The following EML4 variants were observed in gnomAD, a reference collection of about 807,000 sequenced individuals.
The protein encoded by EML4 is EMAP like 4.
EML4 carries 72 observed loss-of-function variants against 129.0 expected under a neutral mutation model. The observed-to-expected ratio is 0.56, with a 90% CI of 0.46 to 0.68. The LOEUF is 0.68. EML4 is among the 30% of genes least tolerant of loss of function. The probability of loss-of-function intolerance (pLI) is 0.00; values close to 1 mark genes in which losing one functional copy is unlikely to be tolerated. For missense variants in EML4, 1,363 were observed against 1,190.6 expected, an observed-to-expected ratio of 1.14 and a Z score of -2.13; for synonymous variants, 532 against 405.0, an observed-to-expected ratio of 1.31 and a Z score of -3.77.
chr2:42,266,242 T>C (rs1666058164), intron 6 of EML4, among the ~76,000 whole-genome samples: 1 of 152,230 alleles, frequency 6.6e-6, no homozygotes, highest in Admixed American at 6.5e-5. Context: ...CTTTAGTAGG[T>C]CTTACTTTCT....
At chr2:42,259,266 G>C (rs961839001) in intron 3 of EML4, among the ~76,000 whole-genome samples, 9 of 151,552 alleles carry the variant, frequency 5.9e-5, no homozygotes, top group African/African-American at 9.7e-5. Context: ...ACAGGGGGAG[G>C]GGGGCGGCAG....
intron 1 of EML4, among the ~76,000 whole-genome samples, chr2:42,210,405 T>TA: frequency 6.6e-6 from 1 of 152,306 alleles, no homozygotes; most frequent in South Asian, 2.1e-4. Context: ...AAAAGAAGTA[T>TA]ATGTGAGCAA....
intron 1 of EML4, among the ~76,000 whole-genome samples, chr2:42,219,688 T>A (rs1450822496): frequency 1.3e-5 from 2 of 152,110 alleles, no homozygotes; most frequent in East Asian, 3.9e-4. Flanking sequence ...GAGGCCGAGG[T>A]GGGCAGATTA....
At chr2:42,267,457 C>T (rs1666121907) in intron 6 of EML4, among the ~76,000 whole-genome samples, 1 of 152,052 alleles carries the variant, frequency 6.6e-6, no homozygotes, top group Non-Finnish European at 1.5e-5. Context: ...TTAATTTAGC[C>T]TCTTTTTGAC....
rs141233061 is a variant in EML4 at position 42,238,285 on chromosome 2, A to G, written c.26-7220A>G. Among the ~76,000 whole-genome samples, 1,332 of 152,362 alleles carry G rather than the reference A, an allele frequency of 8.7e-3. 4 individuals are homozygous for G. Among genetic ancestry groups the G allele is most frequent in the Non-Finnish European group, 0.013 (879 of 68,026 alleles). ...CTGTAATATGTTTTTAAAATAGAAG[A>G]GGTCCTCATTTTAGAGACTTCTCAT... On this transcript the variant is annotated intron_variant, in intron 1 of 22. Coordinates refer to ENST00000318522, the MANE Select transcript of EML4 (RefSeq NM_019063.5).
intron 22 of EML4, 81 bp downstream of exon 22, chr2:42,329,097 G>C: frequency 1.4e-6 from 2 of 1,414,660 alleles, no homozygotes; most frequent in Non-Finnish European, 1.9e-6. Flanking sequence ...GAAAATATAG[G>C]TTACTGATTC....
chr2:42,249,033 G>C (rs1180450989), intron 2 of EML4, among the ~76,000 whole-genome samples: 1 of 152,166 alleles, frequency 6.6e-6, no homozygotes, highest in Admixed American at 6.5e-5. Context: ...ATAGCATATC[G>C]TTGAAAGCAA....
chr2:42,257,677 A>G (rs561754985), intron 3 of EML4, among the ~76,000 whole-genome samples: 4 of 152,204 alleles, frequency 2.6e-5, no homozygotes, highest in African/African-American at 9.6e-5. Flanking sequence ...CTACTAAAAA[A>G]TACAAAAAAA....
Position 42,295,478 on chromosome 2 carries a change from A to T in EML4, c.1451A>T (p.Lys484Ile), listed in dbSNP as rs762250623. The T allele has an allele frequency of 2.0e-5, 33 of 1,613,894 alleles. No homozygotes were observed. Among genetic ancestry groups the T allele is most frequent in the Non-Finnish European group, 2.6e-5 (31 of 1,179,942 alleles). The change falls in exon 13 of 23, where the codon AAA (lysine) becomes ATA (isoleucine). Residue 484 changes from lysine to isoleucine, a missense_variant. Physicochemically the swap from Lys to Ile is moderately radical, Grantham distance 102 (BLOSUM62 -3). Coordinates refer to ENST00000318522, the MANE Select transcript of EML4 (RefSeq NM_019063.5). ...DSGGVMLIWSKTTVEPTPGKG... is the reference protein window; with the variant it reads ...DSGGVMLIWSITTVEPTPGKG... ...GGTGGAGTCATGCTTATATGGAGCA[A>T]AACTACTGTAGAGCCCACACCTGGG...
At chr2:42,285,530 T>TA in intron 9 of EML4, among the ~76,000 whole-genome samples, 1 of 152,182 alleles carries the variant, frequency 6.6e-6, no homozygotes, top group African/African-American at 2.4e-5. Flanking sequence ...AGATTAGTAA[T>TA]ACTAAAAGCA....
chr2:42,327,448 A>G (rs142463021), intron 21 of EML4, among the ~76,000 whole-genome samples: 107 of 152,276 alleles, frequency 7.0e-4, no homozygotes, highest in Non-Finnish European at 1.2e-3. Flanking sequence ...CTACATTTAC[A>G]TTTCCACCAG....
chr2:42,208,341 G>T (rs532763554), intron 1 of EML4, among the ~76,000 whole-genome samples: 1 of 151,454 alleles, frequency 6.6e-6, no homozygotes. Flanking sequence ...TATAATCAAA[G>T]AACTAAAATT....
intron 1 of EML4, among the ~76,000 whole-genome samples, chr2:42,234,403 C>G (rs1226541005): frequency 6.6e-6 from 1 of 152,180 alleles, no homozygotes; most frequent in African/African-American, 2.4e-5. Context: ...GAACGGAAGA[C>G]AGCTTGCCTT....
At chr2:42,257,631 C>G (rs927944999) in intron 3 of EML4, among the ~76,000 whole-genome samples, 1 of 151,972 alleles carries the variant, frequency 6.6e-6, no homozygotes, top group Non-Finnish European at 1.5e-5. Context: ...GTCAGGAGAT[C>G]GAGACCATCC....
intron 11 of EML4, 41 bp downstream of exon 11, chr2:42,288,363 T>C (rs1290738460): frequency 2.0e-6 from 2 of 1,009,274 alleles, no homozygotes; most frequent in Non-Finnish European, 3.1e-6. Context: ...TTAGAGTACG[T>C]TACTTGTTTT....
In EML4 at chr2:42,295,527, C is replaced by G. The variant is rs1248523696; in HGVS notation, c.1489+11C>G. Reference sequence around the variant, plus strand: ...GGAAAGGACCTAAAGGTACAGTATTCTTATATTAAACTCATTTCTGGTAAT... The same window carrying G: ...GGAAAGGACCTAAAGGTACAGTATTGTTATATTAAACTCATTTCTGGTAAT... On this transcript the variant is annotated intron_variant, in intron 13 of 22. Transcript: ENST00000318522. 6.2e-7 allele frequency: 1 copy of G among 1,605,842 alleles called. No individual in the cohort carries two copies. Among genetic ancestry groups the G allele is most frequent in the East Asian group, 2.2e-5 (1 of 44,818 alleles).
chr2:42,219,538 A>G (rs1445945676), intron 1 of EML4, among the ~76,000 whole-genome samples: 1 of 152,226 alleles, frequency 6.6e-6, no homozygotes, highest in African/African-American at 2.4e-5. Context: ...TTAGAAAATG[A>G]CATTTTGCAT....
intron 4 of EML4, 84 bp downstream of exon 4, chr2:42,261,378 A>G (rs1665724141): frequency 3.2e-6 from 4 of 1,264,734 alleles, no homozygotes; most frequent in Admixed American, 4.8e-5. Context: ...TTAGCTATCC[A>G]AGGATTCTGA....
chr2:42,195,284 A>C (rs1270018590), intron 1 of EML4, among the ~76,000 whole-genome samples: 1 of 152,206 alleles, frequency 6.6e-6, no homozygotes, highest in African/African-American at 2.4e-5. Context: ...ACGACTATTA[A>C]CTAATTTTAT....
Sources: gnomAD v4.1 joint callset for allele counts (sites outside exome capture counted in the v4.1 genomes callset) on GRCh38, gnomAD v4.1.1 for gene constraint, MANE v1.5 for transcripts, NCBI Gene and HGNC (gene_info 2026-07-23, HGNC 2026-07-21) for gene names.